Variants in FCHSD2 observed in about 807,000 individuals in gnomAD.
FCHSD2 encodes the protein F-BAR and double SH3 domains protein 2.
A neutral mutation model predicts 108.1 loss-of-function variants in FCHSD2; 38 were observed. The ratio of observed to expected loss-of-function variants is 0.35; its 90% CI spans 0.27 to 0.46. FCHSD2 has a LOEUF of 0.46. Among genes scored for constraint, FCHSD2 ranks in the 20% least tolerant of loss-of-function variants. The pLI is 1.00. For missense variants in FCHSD2, 751 were observed against 897.8 expected (o/e 0.84, Z 2.09); for synonymous variants, 279 against 314.7 (o/e 0.89, Z 1.20).
At chr11:72,857,652 G>T (rs1287174512) in intron 13 of FCHSD2, among the ~76,000 whole-genome samples, 1 of 149,976 alleles carries the variant, frequency 6.7e-6, no homozygotes, top group Non-Finnish European at 1.5e-5. Context: ...GTTTCACTAT[G>T]TTGGCCAGGC....
chr11:73,075,122 A>G (rs1331430983), intron 3 of FCHSD2, among the ~76,000 whole-genome samples: 3 of 152,222 alleles, frequency 2.0e-5, no homozygotes, highest in Non-Finnish European at 4.4e-5. Flanking sequence ...TATATTCACC[A>G]GAAAGGCTAA....
chr11:73,021,402 T>C (rs894630079), intron 3 of FCHSD2, among the ~76,000 whole-genome samples: 9 of 152,262 alleles, frequency 5.9e-5, no homozygotes, highest in Admixed American at 2.0e-4. Context: ...ATCATGTCCT[T>C]TGCAGGGGCG....
intron 5 of FCHSD2, among the ~76,000 whole-genome samples, chr11:73,000,420 T>C (rs915052483): frequency 6.6e-6 from 1 of 152,178 alleles, no homozygotes; most frequent in African/African-American, 2.4e-5. Context: ...AAAGTCACAT[T>C]AAGCAATGCC....
intron 8 of FCHSD2, among the ~76,000 whole-genome samples, chr11:72,958,308 A>G (rs1856753149): frequency 6.6e-6 from 1 of 152,204 alleles, no homozygotes; most frequent in South Asian, 2.1e-4. Flanking sequence ...ACTTGAGGTC[A>G]GGAGTTTGAG....
At chr11:72,947,623 C>T (rs1856543440) in intron 8 of FCHSD2, among the ~76,000 whole-genome samples, 1 of 152,190 alleles carries the variant, frequency 6.6e-6, no homozygotes, top group South Asian at 2.1e-4. Context: ...TGTAGGAACT[C>T]CCATCCTCCA....
chr11:73,046,617 C>T (rs1312770709), intron 3 of FCHSD2, among the ~76,000 whole-genome samples: 1 of 152,128 alleles, frequency 6.6e-6, no homozygotes, highest in African/African-American at 2.4e-5. Flanking sequence ...TTTTTACCTA[C>T]TAATATCTAT....
Position 72,983,999 on chromosome 11 carries a change from T to C in FCHSD2, c.705+89A>G, listed in dbSNP as rs149262603. On this transcript the variant is annotated intron_variant, in intron 8 of 19. Coordinates refer to ENST00000409418, the MANE Select transcript of FCHSD2 (RefSeq NM_014824.3). ...GCAACATAGCCTGGCTACTCTTTTA[T>C]AGATTCAATCCCATAAACCCAACAC... 2.9e-4 allele frequency: 300 copies of C among 1,027,242 alleles called. 3 individuals are homozygous for C. In the East Asian group the frequency reaches 7.3e-3, roughly 25 times the overall value. The allele number at this position is 1,027,242 out of a possible 1,614,324, so 63.6% of individuals were successfully genotyped here.
intron 3 of FCHSD2, among the ~76,000 whole-genome samples, chr11:73,067,507 A>G (rs1304077417): frequency 6.6e-6 from 1 of 152,136 alleles, no homozygotes; most frequent in Non-Finnish European, 1.5e-5. Flanking sequence ...GAAAATAGAT[A>G]TGCTCTTAAA....
At chr11:72,908,157 T>A (rs1444736618) in intron 9 of FCHSD2, among the ~76,000 whole-genome samples, 1 of 152,228 alleles carries the variant, frequency 6.6e-6, no homozygotes, top group Non-Finnish European at 1.5e-5. Flanking sequence ...CCTAGTTTAT[T>A]TCACTTAACA....
At chr11:72,949,979 C>T (rs1172619601) in intron 8 of FCHSD2, among the ~76,000 whole-genome samples, 1 of 152,112 alleles carries the variant, frequency 6.6e-6, no homozygotes, top group Non-Finnish European at 1.5e-5. Context: ...ACTGTTTTTC[C>T]ACAATGGCTG....
intron 2 of FCHSD2, among the ~76,000 whole-genome samples, chr11:73,101,471 A>G (rs1860224020): frequency 6.6e-6 from 1 of 151,990 alleles, no homozygotes; most frequent in Admixed American, 6.6e-5. Flanking sequence ...ACAGGGTCTC[A>G]CTCTGTCACC....
At chr11:72,912,145 T>C (rs7106212) in intron 9 of FCHSD2, among the ~76,000 whole-genome samples, 151,736 of 152,288 alleles carry the variant, frequency 1, 75,593 homozygotes, top group Middle Eastern at 1. Flanking sequence ...TTCTTTCTTT[T>C]GTCTGACTGC....
chr11:73,044,314 A>G (rs992430942), intron 3 of FCHSD2, among the ~76,000 whole-genome samples: 1 of 152,182 alleles, frequency 6.6e-6, no homozygotes, highest in African/African-American at 2.4e-5. Context: ...GTGGTGTCTT[A>G]TATCTGTAAT....
intron 17 of FCHSD2, among the ~76,000 whole-genome samples, chr11:72,842,268 T>C (rs1055227053): frequency 1.7e-4 from 26 of 152,362 alleles, no homozygotes; most frequent in African/African-American, 5.3e-4. Flanking sequence ...GAGAGCCAGC[T>C]AAGAGTTTTA....
At chr11:72,934,205 T>C (rs569965203) in intron 8 of FCHSD2, among the ~76,000 whole-genome samples, 2 of 151,482 alleles carry the variant, frequency 1.3e-5, no homozygotes, top group East Asian at 1.9e-4. Context: ...ATGATGAAGA[T>C]GCATCTGTAT....
chr11:72,926,774 C>T lies in FCHSD2; in HGVS notation c.706-4824G>A, dbSNP rs1238849958. On this transcript the variant is annotated intron_variant, in intron 8 of 19. Transcript: ENST00000409418. Reference sequence around the variant, plus strand: ...GTTTCTAGCCAGAAAAACTGGCACCCCAGAGATCCCGTAACAAAAGGAGCT... The same window carrying T: ...GTTTCTAGCCAGAAAAACTGGCACCTCAGAGATCCCGTAACAAAAGGAGCT... Among the ~76,000 whole-genome samples, 3 of 152,156 alleles carry T rather than the reference C, an allele frequency of 2.0e-5. No individual in the cohort carries two copies. In the South Asian group the frequency reaches 6.2e-4, roughly 32 times the overall value.
intron 12 of FCHSD2, among the ~76,000 whole-genome samples, chr11:72,871,720 C>T (rs7115321): frequency 0.99 from 150,285 of 151,654 alleles, 74,464 homozygotes; most frequent in East Asian, 1. Context: ...TAGATAGCCA[C>T]TGCACTCCAG....
intron 4 of FCHSD2, among the ~76,000 whole-genome samples, chr11:73,002,294 G>A (rs568045108): frequency 1.1e-4 from 16 of 152,228 alleles, no homozygotes; most frequent in African/African-American, 3.6e-4. Context: ...CAGATGAATC[G>A]GTTTAGATGG....
chr11:73,092,804 C>T (rs1037907376), intron 2 of FCHSD2, among the ~76,000 whole-genome samples: 3 of 152,106 alleles, frequency 2.0e-5, no homozygotes, highest in Admixed American at 2.0e-4. Flanking sequence ...AGGAGGGCAT[C>T]GGAGTATACA....
Sources: allele counts gnomAD v4.1 joint callset (sites outside exome capture counted in the v4.1 genomes callset), GRCh38; gene constraint gnomAD v4.1.1; transcripts MANE v1.5; gene names NCBI Gene and HGNC (gene_info 2026-07-23, HGNC 2026-07-21).